EPHA6: variants seen among roughly 807,000 people sequenced by gnomAD.
EPHA6 encodes the protein EPH receptor A6, also known as ephrin type-A receptor 6.
EPHA6 carries 50 observed loss-of-function variants against 112.0 expected under a neutral mutation model. The observed-to-expected ratio is 0.45, with a 90% CI of 0.36 to 0.56. The LOEUF is 0.56. EPHA6 is among the 20% of genes least tolerant of loss of function. The pLI is 0.00. For synonymous variants in EPHA6, 529 were observed against 490.7 expected (o/e 1.08, Z -1.03); for missense variants, 1,280 against 1,417.4 (o/e 0.90, Z 1.56).
At chr3:97,626,498 G>T (rs1483734307) in intron 13 of EPHA6, among the ~76,000 whole-genome samples, 1 of 151,734 alleles carries the variant, frequency 6.6e-6, no homozygotes, top group Non-Finnish European at 1.5e-5. Context: ...GACTGAGGAT[G>T]GTAGTGAAGG....
intron 10 of EPHA6, among the ~76,000 whole-genome samples, chr3:97,485,327 A>C (rs1393349248): frequency 6.6e-6 from 1 of 152,228 alleles, no homozygotes; most frequent in East Asian, 1.9e-4. Flanking sequence ...AGTTATTTCA[A>C]GACGGTGACA....
intron 3 of EPHA6, among the ~76,000 whole-genome samples, chr3:97,190,933 G>A (rs1348382867): frequency 2.0e-5 from 3 of 152,094 alleles, no homozygotes; most frequent in African/African-American, 7.2e-5. Flanking sequence ...GAACAAGGAT[G>A]AGAATAATTA....
chr3:97,662,208 A>G (rs1176041402), intron 14 of EPHA6, among the ~76,000 whole-genome samples: 2 of 152,216 alleles, frequency 1.3e-5, no homozygotes, highest in East Asian at 3.8e-4. Flanking sequence ...AGGCTTAGGT[A>G]ATCAGCCTGT....
chr3:97,341,484 A>G (rs1005592074), intron 5 of EPHA6, among the ~76,000 whole-genome samples: 3 of 151,816 alleles, frequency 2.0e-5, no homozygotes, highest in Admixed American at 2.0e-4. Flanking sequence ...CCTCCCAAGT[A>G]GCTGGGATTA....
At chr3:97,268,238 C>G (rs1306292599) in intron 5 of EPHA6, among the ~76,000 whole-genome samples, 2 of 152,132 alleles carry the variant, frequency 1.3e-5, no homozygotes, top group Non-Finnish European at 2.9e-5. Context: ...TCTAATGAAG[C>G]AAACTTCTGC....
chr3:97,466,207 T>A, intron 7 of EPHA6: 1 of 775,738 alleles, frequency 1.3e-6, no homozygotes, highest in Non-Finnish European at 2.3e-6. Flanking sequence ...ATCCATCCAG[T>A]TACCGGGCAA....
At chr3:97,573,122 C>T (rs1217028627) in intron 11 of EPHA6, among the ~76,000 whole-genome samples, 15 of 152,190 alleles carry the variant, frequency 9.9e-5, no homozygotes, top group Non-Finnish European at 2.2e-4. Context: ...TAATGCTAAA[C>T]TCTTATTGCA....
chr3:96,836,464 G>T (rs1293729265), intron 1 of EPHA6, among the ~76,000 whole-genome samples: 1 of 152,080 alleles, frequency 6.6e-6, no homozygotes, highest in Non-Finnish European at 1.5e-5. Context: ...TGTAGCAATG[G>T]AATACTGTTT....
intron 11 of EPHA6, among the ~76,000 whole-genome samples, chr3:97,578,121 A>T (rs896337192): frequency 6.6e-6 from 1 of 152,226 alleles, no homozygotes; most frequent in African/African-American, 2.4e-5. Flanking sequence ...ATGCTAAAAA[A>T]GGAAAAGCCA....
At chr3:96,958,639 C>T (rs1203216638) in intron 2 of EPHA6, among the ~76,000 whole-genome samples, 1 of 152,162 alleles carries the variant, frequency 6.6e-6, no homozygotes, top group Non-Finnish European at 1.5e-5. Context: ...TTCATTCCTC[C>T]CATCTCAAGA....
intron 6 of EPHA6, chr3:97,439,721 T>C (rs919874709): frequency 1.6e-6 from 1 of 618,278 alleles, no homozygotes; most frequent in Non-Finnish European, 2.0e-6. Flanking sequence ...CATGGGTTCA[T>C]TTACTTAGGA....
chr3:97,596,770 T>TCGTATA (rs2093594613), intron 12 of EPHA6, among the ~76,000 whole-genome samples: 2 of 72,668 alleles, frequency 2.8e-5, no homozygotes, highest in African/African-American at 6.3e-5. Flanking sequence ...ATGAAGTAAC[T>TCGTATA]CATATACATA....
Position 97,071,992 on chromosome 3 carries a change from A to T in EPHA6, c.1114+83999A>T, listed in dbSNP as rs2046374001. ...GTGTTTGGTTTTGCCTTCCTGAGTTACTTCACTTAAAATAATGGTCTCCAA... is the reference window on the plus strand; with the variant it reads ...GTGTTTGGTTTTGCCTTCCTGAGTTTCTTCACTTAAAATAATGGTCTCCAA... On this transcript the variant is annotated intron_variant, in intron 3 of 17. Coordinates refer to ENST00000389672, the MANE Select transcript of EPHA6 (RefSeq NM_001080448.3). Among the ~76,000 whole-genome samples, 4 of 152,014 alleles carry T rather than the reference A, an allele frequency of 2.6e-5. No homozygotes were observed. In the South Asian group the frequency reaches 8.3e-4, roughly 31 times the overall value.
rs376288620 is a variant in EPHA6 at position 97,671,407 on chromosome 3, A to G, written c.2784+33325A>G. ...GACTTCTATAATCTGTTCATAAGGA[A>G]GTAGTAATTGAGATAAATTCTTATC... On this transcript the variant is annotated intron_variant, in intron 14 of 17. Transcript: ENST00000389672. 2.3e-3 allele frequency among the ~76,000 whole-genome samples: 352 copies of G among 152,284 alleles called. 2 individuals are homozygous for G. Among genetic ancestry groups the G allele is most frequent in the African/African-American group, 7.6e-3 (314 of 41,560 alleles).
chr3:96,925,606 T>G (rs753748614), intron 2 of EPHA6, among the ~76,000 whole-genome samples: 19 of 62,648 alleles, frequency 3.0e-4, no homozygotes, highest in East Asian at 4.2e-4. Context: ...TGATTTGCTG[T>G]TTTTTTTTTT....
At chr3:97,514,608 T>TC (rs920612374) in intron 10 of EPHA6, among the ~76,000 whole-genome samples, 5 of 152,086 alleles carry the variant, frequency 3.3e-5, no homozygotes, top group South Asian at 2.1e-4. Context: ...CTGAATTGTG[T>TC]CCCCCCAGAA....
At chr3:97,286,695 T>C (rs1211986257) in intron 5 of EPHA6, among the ~76,000 whole-genome samples, 1 of 151,772 alleles carries the variant, frequency 6.6e-6, no homozygotes, top group Non-Finnish European at 1.5e-5. Flanking sequence ...TTTTTTTTTC[T>C]TTTGCTCAGG....
intron 9 of EPHA6, among the ~76,000 whole-genome samples, chr3:97,481,717 T>C (rs1577533907): frequency 7.8e-6 from 1 of 127,732 alleles, no homozygotes; most frequent in East Asian, 2.6e-4. Flanking sequence ...TGTGAGGAAC[T>C]TTTATACAGT....
intron 14 of EPHA6, among the ~76,000 whole-genome samples, chr3:97,668,678 C>A (rs1382148356): frequency 6.6e-6 from 1 of 151,892 alleles, no homozygotes; most frequent in African/African-American, 2.4e-5. Context: ...CTTTGGGAGG[C>A]CGAGGTGGGC....
Sources: gnomAD v4.1 joint callset for allele counts (sites outside exome capture counted in the v4.1 genomes callset) on GRCh38, gnomAD v4.1.1 for gene constraint, MANE v1.5 for transcripts, NCBI Gene and HGNC (gene_info 2026-07-23, HGNC 2026-07-21) for gene names.